The following NNT variants were observed in gnomAD, a reference collection of about 807,000 sequenced individuals.
The protein encoded by NNT is nicotinamide nucleotide transhydrogenase.
In NNT, 50 loss-of-function variants were observed where a neutral mutation model predicts 104.8. The ratio of observed to expected loss-of-function variants is 0.48; its 90% CI spans 0.38 to 0.60. The LOEUF (loss-of-function observed/expected upper bound fraction) is 0.60, where lower values mean the gene tolerates loss of function less well. Among genes scored for constraint, NNT ranks in the 20% least tolerant of loss-of-function variants. The pLI is 0.00. For missense variants in NNT, 1,131 were observed against 1,330.7 expected, an observed-to-expected ratio of 0.85 and a Z score of 2.33; for synonymous variants, 461 against 490.4, an observed-to-expected ratio of 0.94 and a Z score of 0.79.
intron 19 of NNT, among the ~76,000 whole-genome samples, chr5:43,695,445 A>G (rs956344690): frequency 3.9e-5 from 6 of 152,218 alleles, no homozygotes; most frequent in African/African-American, 1.2e-4. Flanking sequence ...AGGCTTTATC[A>G]ATGAAAGATG....
At position 43,612,986 on chromosome 5, in the gene NNT, C is replaced by T. The variant is rs976277077; in HGVS notation, c.230C>T (p.Ala77Val). The change falls in exon 3 of 22, where the codon GCT (alanine) becomes GTT (valine). Residue 77 changes from alanine (A) to valine (V), a missense_variant. By Grantham distance (64) the Ala-to-Val change is moderately conservative (BLOSUM62 0). Transcript: ENST00000344920. ...GAGAAGCGAGTGGCATTGTCTCCTG[C>T]TGGTGTTCAGAACTTGGTCAAGCAG... Reference protein sequence around the residue: ...QNEKRVALSPAGVQNLVKQGF... With the variant: ...QNEKRVALSPVGVQNLVKQGF... The T allele has an allele frequency of 3.1e-6, 5 of 1,613,982 alleles. No individual in the cohort carries two copies. The African/African-American group carries it at 6.7e-5, about 22-fold the overall frequency.
At chr5:43,647,638 T>A (rs1012458589) in intron 10 of NNT, among the ~76,000 whole-genome samples, 2 of 152,226 alleles carry the variant, frequency 1.3e-5, no homozygotes, top group African/African-American at 4.8e-5. Flanking sequence ...GTTATACAGA[T>A]ATAGAAATAT....
intron 17 of NNT, among the ~76,000 whole-genome samples, chr5:43,662,674 A>T (rs999185676): frequency 6.6e-6 from 1 of 152,132 alleles, no homozygotes; most frequent in Non-Finnish European, 1.5e-5. Flanking sequence ...AGGTGGATCA[A>T]TTGAGTCCAG....
chr5:43,664,150 A>G (rs1189610580), intron 17 of NNT, among the ~76,000 whole-genome samples: 1 of 152,360 alleles, frequency 6.6e-6, no homozygotes, highest in East Asian at 1.9e-4. Context: ...CACAATACCC[A>G]AGATTATAAA....
intron 15 of NNT, 84 bp from the exon 16 acceptor site, chr5:43,656,569 G>C: frequency 1.6e-6 from 2 of 1,250,026 alleles, no homozygotes; most frequent in Non-Finnish European, 2.2e-6. Flanking sequence ...GGTTAGAGAT[G>C]ACTGTGTAGA....
At position 43,693,138 on chromosome 5, in the gene NNT, G is replaced by A. The variant is rs143789334; in HGVS notation, c.2877-6981G>A. On this transcript the variant is annotated intron_variant, in intron 19 of 21. Coordinates refer to ENST00000344920, the MANE Select transcript of NNT (RefSeq NM_182977.3). Reference sequence around the variant, plus strand: ...CAGCTATCTCCACCGTAGAAGACAAGGTTAAAAGTCTGGAACTTGATGAAA... The same window carrying A: ...CAGCTATCTCCACCGTAGAAGACAAAGTTAAAAGTCTGGAACTTGATGAAA... Among the ~76,000 whole-genome samples, 899 of 152,042 alleles carry A rather than the reference G, an allele frequency of 5.9e-3. 7 individuals carry two copies. The highest frequency in any genetic ancestry group is 0.011 in the Admixed American group (163 of 15,260).
intron 16 of NNT, among the ~76,000 whole-genome samples, chr5:43,657,194 C>T (rs988227118): frequency 6.6e-6 from 1 of 152,178 alleles, no homozygotes. Context: ...GTAAGATAGT[C>T]TCTGCCCACC....
Position 43,656,082 on chromosome 5 carries a change from T to C in NNT, c.2293+9T>C. ...CTATGGAAAATTGCAGGGTAAGTGATTCAGCATAACATAGAGGTAAATATC... is the reference window on the plus strand; with the variant it reads ...CTATGGAAAATTGCAGGGTAAGTGACTCAGCATAACATAGAGGTAAATATC... On this transcript the variant is annotated intron_variant, in intron 15 of 21. Coordinates refer to ENST00000344920, the MANE Select transcript of NNT (RefSeq NM_182977.3). 6.2e-7 allele frequency: 1 copy of C among 1,601,598 alleles called. No individual in the cohort carries two copies. The highest frequency in any genetic ancestry group is 8.6e-7 in the Non-Finnish European group (1 of 1,168,622).
chr5:43,613,022 T>C lies in NNT; in HGVS notation c.266T>C (p.Val89Ala). The C allele has an allele frequency of 1.2e-6, 2 of 1,614,116 alleles. No homozygotes were observed. Among genetic ancestry groups the C allele is most frequent in the Non-Finnish European group, 1.7e-6 (2 of 1,180,024 alleles). The change falls in exon 3 of 22, where the codon GTT (valine) becomes GCT (alanine). Residue 89 changes from valine to alanine, a missense_variant. Physicochemically the swap from Val to Ala is moderately conservative, Grantham distance 64 (BLOSUM62 0). Coordinates refer to ENST00000344920, the MANE Select transcript of NNT (RefSeq NM_182977.3). The part of the protein sequence containing the change: ...VQNLVKQGFN[V>A]VVESGAGEAS... ...AACTTGGTCAAGCAGGGTTTTAATGTTGTCGTGGAATCGGGTGCGGGCGAA... is the reference window on the plus strand; with the variant it reads ...AACTTGGTCAAGCAGGGTTTTAATGCTGTCGTGGAATCGGGTGCGGGCGAA...
At position 43,704,236 on chromosome 5, in the gene NNT, T is replaced by C; in HGVS notation, c.3112-19T>C. On this transcript the variant is annotated intron_variant, in intron 21 of 21. Transcript: ENST00000344920. ...TTGGTCTGTTAAATACACTCTCTCA[T>C]TTAATCTCTGGTTCTCAGGTGATTG... 4.6e-6 allele frequency: 7 copies of C among 1,534,950 alleles called. No homozygotes were observed. Among genetic ancestry groups the C allele is most frequent in the Non-Finnish European group, 6.1e-6 (7 of 1,147,242 alleles).
intron 3 of NNT, chr5:43,613,536 G>A (rs972787815): frequency 1.2e-5 from 2 of 162,946 alleles, no homozygotes; most frequent in African/African-American, 2.4e-5. Context: ...ACCTGAAGGC[G>A]CAATGACTTA....
intron 3 of NNT, among the ~76,000 whole-genome samples, chr5:43,615,054 G>T (rs979629430): frequency 1.3e-5 from 2 of 151,954 alleles, no homozygotes; most frequent in South Asian, 4.2e-4. Flanking sequence ...GGAGAATGGC[G>T]TGAACCCGGG....
intron 4 of NNT, among the ~76,000 whole-genome samples, chr5:43,618,386 T>A (rs868190448): frequency 7.9e-5 from 12 of 152,220 alleles, no homozygotes; most frequent in Admixed American, 6.5e-5. Context: ...AAGGTCAGTA[T>A]ATCGGAAAAT....
At chr5:43,663,938 A>G (rs374121428) in intron 17 of NNT, among the ~76,000 whole-genome samples, 3 of 152,236 alleles carry the variant, frequency 2.0e-5, no homozygotes, top group East Asian at 3.8e-4. Context: ...ATAGACTATG[A>G]TAGCAGATAT....
intron 17 of NNT, among the ~76,000 whole-genome samples, chr5:43,670,062 T>C (rs892060802): frequency 5.9e-5 from 9 of 152,234 alleles, no homozygotes; most frequent in Non-Finnish European, 1.3e-4. Flanking sequence ...TTCTGGCTTA[T>C]TTGCATAGAG....
At chr5:43,606,765 G>A (rs1749246422) in intron 1 of NNT, among the ~76,000 whole-genome samples, 2 of 152,080 alleles carry the variant, frequency 1.3e-5, no homozygotes, top group Admixed American at 1.3e-4. Flanking sequence ...ACTTTGTAGT[G>A]TTATTATTTG....
intron 19 of NNT, 105 bp downstream of exon 19, chr5:43,677,911 C>A (rs1741507842): frequency 2.4e-6 from 2 of 838,802 alleles, no homozygotes; most frequent in South Asian, 1.6e-5. Context: ...GGGCACTGAC[C>A]CGCCCATACA....
chr5:43,665,822 C>T (rs1000017005), intron 17 of NNT, among the ~76,000 whole-genome samples: 1 of 147,316 alleles, frequency 6.8e-6, no homozygotes, highest in African/African-American at 2.4e-5. Flanking sequence ...GCGCACCCCA[C>T]CTCCTGGACG....
In NNT at chr5:43,651,719, A is replaced by G. The variant is rs746045316; in HGVS notation, c.1718-20A>G. 1 of 1,612,698 alleles carries G rather than the reference A, an allele frequency of 6.2e-7. No individual in the cohort carries two copies. Among genetic ancestry groups the G allele is most frequent in the Admixed American group, 1.7e-5 (1 of 59,634 alleles). ...AGCTCAAAGAGGTACTATGTTTTTT[A>G]TTTCCTTTGGTTTGCTAAGGTGGCT... is the stretch of plus-strand genomic sequence containing the variant. On this transcript the variant is annotated intron_variant, in intron 12 of 21. Transcript: ENST00000344920.
Sources: gnomAD v4.1 joint callset for allele counts (sites outside exome capture counted in the v4.1 genomes callset) on GRCh38, gnomAD v4.1.1 for gene constraint, MANE v1.5 for transcripts, NCBI Gene and HGNC (gene_info 2026-07-23, HGNC 2026-07-21) for gene names.